ELAVL2: variants seen among roughly 807,000 people sequenced by gnomAD.
ELAVL2 encodes the protein ELAV-like protein 2.
Under a neutral mutation model 34.6 loss-of-function variants are expected in ELAVL2, and 4 were observed. The ratio of observed to expected loss-of-function variants is 0.12; its 90% confidence interval spans 0.06 to 0.26. The LOEUF (loss-of-function observed/expected upper bound fraction) is 0.26. Among genes scored for constraint, ELAVL2 ranks in the 10% least tolerant of loss-of-function variants. The pLI is 1.00. For missense variants in ELAVL2, 432 were observed against 442.8 expected (o/e 0.98, Z 0.22); for synonymous variants, 193 against 154.8 (o/e 1.25, Z -1.83).
chr9:23,733,343 C>T (rs140073928), intron 2 of ELAVL2, among the ~76,000 whole-genome samples: 39 of 152,160 alleles, frequency 2.6e-4, no homozygotes, highest in African/African-American at 9.2e-4. Flanking sequence ...TGGACTCAAG[C>T]GATCCTCCCA....
Position 23,694,544 on chromosome 9 carries a change from G to A in ELAVL2, c.714-1058C>T, listed in dbSNP as rs528057217. The stretch of plus-strand genomic sequence containing the variant: ...ATCCCAGGGTTGTCCCTCTGGGACT[G>A]GGGGTGGGGGTGAGAATTTTTTCTT... On this transcript the variant is annotated intron_variant, in intron 5 of 6. Coordinates refer to ENST00000397312, the MANE Select transcript of ELAVL2 (RefSeq NM_004432.5). Among the ~76,000 whole-genome samples, 282 of 151,776 alleles carry A rather than the reference G, an allele frequency of 1.9e-3. 1 individual carries two copies. Among genetic ancestry groups the A allele is most frequent in the African/African-American group, 6.7e-3 (276 of 41,358 alleles).
At chr9:23,774,547 G>A (rs2136448138) in intron 1 of ELAVL2, among the ~76,000 whole-genome samples, 1 of 152,206 alleles carries the variant, frequency 6.6e-6, no homozygotes, top group Admixed American at 6.5e-5. Flanking sequence ...GACCTCCAAA[G>A]ACTATGTTTA....
rs998078976 is a variant in ELAVL2 at position 23,690,524 on chromosome 9, T to C, written c.*2033A>G. 2 of 152,576 alleles carry C rather than the reference T, an allele frequency of 1.3e-5. No homozygotes were observed. Among genetic ancestry groups the C allele is most frequent in the Non-Finnish European group, 2.9e-5 (2 of 67,998 alleles). 9.5% of individuals were successfully genotyped at this position (152,576 alleles called of 1,614,324 possible). A position where few individuals can be genotyped will look rare whatever the true frequency, so the allele number is the denominator to read the frequency against. ...AGGATATGAGAAAGTGCTAAGCCAA[T>C]TGATTTCTGAATAGCATTGAGTGGG... On this transcript the variant is annotated 3_prime_UTR_variant, in exon 7 of 7. Coordinates refer to ENST00000397312, the MANE Select transcript of ELAVL2 (RefSeq NM_004432.5).
At chr9:23,741,180 T>C (rs952264326) in intron 2 of ELAVL2, among the ~76,000 whole-genome samples, 2 of 151,792 alleles carry the variant, frequency 1.3e-5, no homozygotes, top group Admixed American at 6.6e-5. Context: ...ATTAAGGTAA[T>C]AGGAACATGG....
At chr9:23,805,471 C>T (rs1415925344) in intron 1 of ELAVL2, among the ~76,000 whole-genome samples, 1 of 152,206 alleles carries the variant, frequency 6.6e-6, no homozygotes, top group Non-Finnish European at 1.5e-5. Flanking sequence ...GCCCATTTAA[C>T]ATACTGCAGC....
rs920723018 is a variant in ELAVL2 at position 23,820,773 on chromosome 9, C to T, written c.-16+5033G>A. Among the ~76,000 whole-genome samples the T allele has an allele frequency of 1.8e-4, 27 of 152,242 alleles. 1 individual carries two copies. Reference sequence around the variant, plus strand: ...GCCGCCGCTGGCAGGCCCTACCAGCCAAGCTGGAGGAGCAGCTGCCGCAAC... The same window carrying T: ...GCCGCCGCTGGCAGGCCCTACCAGCTAAGCTGGAGGAGCAGCTGCCGCAAC... On this transcript the variant is annotated intron_variant, in intron 1 of 6. Transcript: ENST00000397312.
intron 1 of ELAVL2, among the ~76,000 whole-genome samples, chr9:23,772,088 C>T (rs1055063188): frequency 1.3e-5 from 2 of 152,152 alleles, no homozygotes; most frequent in Non-Finnish European, 2.9e-5. Flanking sequence ...GCAGATTAAT[C>T]TGAATTGCTA....
At chr9:23,775,675 A>C (rs1462302787) in intron 1 of ELAVL2, among the ~76,000 whole-genome samples, 1 of 152,076 alleles carries the variant, frequency 6.6e-6, no homozygotes, top group Non-Finnish European at 1.5e-5. Flanking sequence ...CTCCCTAGTG[A>C]GGCAGCTGAC....
rs777339981 is a variant in ELAVL2 at position 23,762,240 on chromosome 9, C to G, written c.-6G>C. On this transcript the variant is annotated 5_prime_UTR_variant, in exon 2 of 7. Transcript: ENST00000397312. ...TTAGACAGTTGTGTTTCCATGGCAG[C>G]AATTACCTGCTAAAAACAGAGAAAA... The G allele has an allele frequency of 2.3e-5, 37 of 1,612,990 alleles. No homozygotes were observed. In the East Asian group the frequency reaches 7.6e-4, roughly 33 times the overall value.
chr9:23,822,260 A>C (rs569187128), intron 1 of ELAVL2, among the ~76,000 whole-genome samples: 1 of 152,224 alleles, frequency 6.6e-6, no homozygotes, highest in East Asian at 1.9e-4. Flanking sequence ...CCTACTTCGC[A>C]GCCAAGGGGT....
At chr9:23,723,979 G>A (rs1450509950) in intron 3 of ELAVL2, among the ~76,000 whole-genome samples, 1 of 152,086 alleles carries the variant, frequency 6.6e-6, no homozygotes, top group African/African-American at 2.4e-5. Flanking sequence ...CTCACAAGGA[G>A]GCAGTTACTC....
chr9:23,786,867 C>A (rs2059757837), intron 1 of ELAVL2, among the ~76,000 whole-genome samples: 1 of 150,680 alleles, frequency 6.6e-6, no homozygotes, highest in South Asian at 2.1e-4. Flanking sequence ...GTGACACCCA[C>A]ATGACCCAGT....
chr9:23,763,933 G>GAAGGAAAAT (rs1313899104), intron 1 of ELAVL2, among the ~76,000 whole-genome samples: 1 of 152,142 alleles, frequency 6.6e-6, no homozygotes, highest in African/African-American at 2.4e-5. Context: ...TTAAAGGGAT[G>GAAGGAAAAT]AAGGAAAATA....
At chr9:23,805,380 C>G (rs115270062) in intron 1 of ELAVL2, among the ~76,000 whole-genome samples, 1 of 152,246 alleles carries the variant, frequency 6.6e-6, no homozygotes, top group African/African-American at 2.4e-5. Flanking sequence ...TAAATAAAAG[C>G]CTTCATTAAC....
intron 1 of ELAVL2, among the ~76,000 whole-genome samples, chr9:23,768,824 A>G (rs2136231692): frequency 6.6e-6 from 1 of 152,312 alleles, no homozygotes; most frequent in East Asian, 1.9e-4. Context: ...TAAATGCAGG[A>G]AAATTAAACA....
intron 1 of ELAVL2, among the ~76,000 whole-genome samples, chr9:23,798,884 C>T (rs1360514459): frequency 1.3e-5 from 2 of 152,142 alleles, no homozygotes; most frequent in African/African-American, 4.8e-5. Flanking sequence ...CTGCCACCAT[C>T]TGTTTTTTAT....
rs577631073 is a variant in ELAVL2 at position 23,761,265 on chromosome 9, T to A, written c.229+741A>T. 7.2e-5 allele frequency among the ~76,000 whole-genome samples: 11 copies of A among 152,202 alleles called. No homozygotes were observed. In the South Asian group the frequency reaches 2.1e-3, roughly 29 times the overall value. ...TTTAGTGTTTAACTTCATATGTATG[T>A]CTAACTTCATGTATTTTTAGTGTTT... On this transcript the variant is annotated intron_variant, in intron 2 of 6. Transcript: ENST00000397312.
At chr9:23,849,330 T>A in the ELAVL2 span, among the ~76,000 whole-genome samples, 42 of 152,294 alleles carry the variant, frequency 2.8e-4, no homozygotes, top group East Asian at 7.4e-3. Context: ...GCCTCAAACC[T>A]TTTAAGACCA....
chr9:23,715,308 C>A (rs2042012559), intron 3 of ELAVL2, among the ~76,000 whole-genome samples: 1 of 152,150 alleles, frequency 6.6e-6, no homozygotes, highest in African/African-American at 2.4e-5. Context: ...GCCACCACGC[C>A]CGGCTAATTT....
Sources: allele counts gnomAD v4.1 joint callset (sites outside exome capture counted in the v4.1 genomes callset), GRCh38; gene constraint gnomAD v4.1.1; transcripts MANE v1.5; gene names NCBI Gene and HGNC (gene_info 2026-07-23, HGNC 2026-07-21).